The following USP43 variants were observed in gnomAD, a reference collection of about 807,000 sequenced individuals.
USP43 encodes ubiquitin specific peptidase 43.
USP43 carries 33 observed loss-of-function variants against 90.7 expected under a neutral mutation model. The observed-to-expected ratio is 0.36, with a 90% CI of 0.28 to 0.49. The LOEUF (loss-of-function observed/expected upper bound fraction) is 0.49, where lower values mean the gene tolerates loss of function less well. Ranked by LOEUF, USP43 falls within the 20% of genes least tolerant of loss-of-function variation. USP43 has a pLI of 0.98. For synonymous variants in USP43, 598 were observed against 615.8 expected (o/e 0.97, Z 0.43); for missense variants, 1,274 against 1,476.4 (o/e 0.86, Z 2.25).
intron 14 of USP43, among the ~76,000 whole-genome samples, chr17:9,713,452 T>C (rs956480840): frequency 5.9e-5 from 9 of 152,172 alleles, no homozygotes; most frequent in African/African-American, 2.2e-4. Flanking sequence ...GCAACCATCA[T>C]TCTACTCCCT....
intron 14 of USP43, among the ~76,000 whole-genome samples, chr17:9,721,073 T>G (rs1916928726): frequency 6.6e-6 from 1 of 152,118 alleles, no homozygotes; most frequent in African/African-American, 2.4e-5. Flanking sequence ...GAGGTGGGTG[T>G]GGGGGAAGGT....
intron 12 of USP43, among the ~76,000 whole-genome samples, chr17:9,707,385 G>A (rs906381482): frequency 3.3e-5 from 5 of 151,966 alleles, no homozygotes; most frequent in African/African-American, 1.2e-4. Flanking sequence ...GGTGGCTCAC[G>A]CCTGTAATCC....
intron 12 of USP43, among the ~76,000 whole-genome samples, chr17:9,703,300 C>A (rs1915682855): frequency 6.6e-6 from 1 of 152,128 alleles, no homozygotes. Flanking sequence ...TGCTGCCTCC[C>A]CATCTATAAA....
At chr17:9,653,649 G>A (rs1912032639) in intron 1 of USP43, among the ~76,000 whole-genome samples, 1 of 151,858 alleles carries the variant, frequency 6.6e-6, no homozygotes, top group Non-Finnish European at 1.5e-5. Context: ...AGTGTTTGGG[G>A]CAGCTAGGTG....
chr17:9,676,718 A>G (rs1350560940), intron 4 of USP43, 28 bp from the exon 5 acceptor site: 1 of 1,606,284 alleles, frequency 6.2e-7, no homozygotes, highest in Non-Finnish European at 8.5e-7. Context: ...TCAGTCCTTT[A>G]AGGGTGTTGC....
chr17:9,691,575 C>T (rs545445978), intron 8 of USP43, among the ~76,000 whole-genome samples: 35 of 152,212 alleles, frequency 2.3e-4, no homozygotes, highest in East Asian at 1.5e-3. Flanking sequence ...CCCCTCCTTG[C>T]GACTCTTAGA....
At chr17:9,671,771 C>T (rs1237534026) in intron 3 of USP43, among the ~76,000 whole-genome samples, 1 of 152,026 alleles carries the variant, frequency 6.6e-6, no homozygotes, top group Non-Finnish European at 1.5e-5. Context: ...TGTGAATGTC[C>T]TGGAGGGAAT....
intron 6 of USP43, among the ~76,000 whole-genome samples, chr17:9,681,462 T>TTATATATATATATA (rs1184883523): frequency 9.7e-4 from 18 of 18,558 alleles, no homozygotes; most frequent in South Asian, 1.5e-3. Flanking sequence ...ATAAAATATA[T>TTATATATATATATA]TATATATATA....
At chr17:9,724,230 T>G (rs1308219096) in intron 14 of USP43, among the ~76,000 whole-genome samples, 1 of 152,076 alleles carries the variant, frequency 6.6e-6, no homozygotes, top group Non-Finnish European at 1.5e-5. Flanking sequence ...GCTGGTTCAG[T>G]CTTGGAGATG....
intron 12 of USP43, among the ~76,000 whole-genome samples, chr17:9,705,763 A>C (rs907490476): frequency 2.3e-4 from 34 of 149,640 alleles, no homozygotes; most frequent in Admixed American, 1.8e-3. Context: ...CAAAAAAAAA[A>C]AACAACAACA....
At chr17:9,725,495 C>T (rs77735420) in intron 14 of USP43, among the ~76,000 whole-genome samples, 7,867 of 152,188 alleles carry the variant, frequency 0.052, 484 homozygotes, top group East Asian at 0.33. Context: ...GTGATGTGAG[C>T]GTGGGGGCCT....
Position 9,700,215 on chromosome 17 carries a change from C to G in USP43, c.1501C>G (p.Leu501Val). 1 of 1,606,338 alleles carries G rather than the reference C, an allele frequency of 6.2e-7. No homozygotes were observed. The highest frequency in any genetic ancestry group is 1.1e-5 in the South Asian group (1 of 89,158). The change falls in exon 10 of 15, where the codon CTG (leucine) becomes GTG (valine). Residue 501 changes from leucine to valine, a missense_variant. This residue lies in a region of USP43 where 253 missense variants were observed against 276.0 expected (regional missense o/e 0.92). Transcript: ENST00000285199. Reference protein sequence around the residue: ...RRPGGPPHVKLAVEWDSSVKE... With the variant: ...RRPGGPPHVKVAVEWDSSVKE... ...GCCAGGAGGCCCTCCACATGTCAAG[C>G]TGGCGGTGGAGTGGGATAGCTCTGT...
At chr17:9,713,513 T>G (rs1205787519) in intron 14 of USP43, among the ~76,000 whole-genome samples, 1 of 152,160 alleles carries the variant, frequency 6.6e-6, no homozygotes, top group Non-Finnish European at 1.5e-5. Context: ...AGGGAAGTGG[T>G]TGATCTGATT....
At chr17:9,647,333 T>C (rs948356014) in intron 1 of USP43, among the ~76,000 whole-genome samples, 2 of 152,126 alleles carry the variant, frequency 1.3e-5, no homozygotes, top group Non-Finnish European at 2.9e-5. Context: ...GTGGGTCAAA[T>C]GGTTGTCACT....
At chr17:9,653,053 T>C (rs1348047868) in intron 1 of USP43, among the ~76,000 whole-genome samples, 3 of 152,214 alleles carry the variant, frequency 2.0e-5, no homozygotes, top group Non-Finnish European at 4.4e-5. Flanking sequence ...ATAACTTTGA[T>C]ATATACAGAC....
intron 9 of USP43, 86 bp from the exon 10 acceptor site, chr17:9,700,086 G>C: frequency 1.6e-6 from 2 of 1,276,514 alleles, no homozygotes; most frequent in Non-Finnish European, 2.2e-6. Flanking sequence ...ATCAGTCCTT[G>C]GGTTGTGGGG....
At chr17:9,717,000 G>T (rs1401397953) in intron 14 of USP43, among the ~76,000 whole-genome samples, 2 of 151,970 alleles carry the variant, frequency 1.3e-5, no homozygotes, top group African/African-American at 2.4e-5. Context: ...GCTGGACATG[G>T]TGGCGGGCAC....
chr17:9,678,846 A>C (rs928669171), intron 5 of USP43, among the ~76,000 whole-genome samples: 2 of 151,792 alleles, frequency 1.3e-5, no homozygotes, highest in Admixed American at 1.3e-4. Flanking sequence ...CTTCATGTAC[A>C]TGTCAATATG....
chr17:9,695,278 A>G (rs1915189031), intron 9 of USP43, among the ~76,000 whole-genome samples: 1 of 151,898 alleles, frequency 6.6e-6, no homozygotes, highest in South Asian at 2.1e-4. Flanking sequence ...CTATCCCAAC[A>G]TCTCCTTGTT....
Sources: gnomAD v4.1 joint callset for allele counts (sites outside exome capture counted in the v4.1 genomes callset) on GRCh38, gnomAD v4.1.1 for gene constraint, gnomAD v4.1.1 regional missense constraint, MANE v1.5 for transcripts, NCBI Gene and HGNC (gene_info 2026-07-23, HGNC 2026-07-21) for gene names.